DLG2: variants seen among roughly 807,000 people sequenced by gnomAD.
The protein encoded by DLG2 is discs large MAGUK scaffold protein 2.
In DLG2, 45 loss-of-function variants were observed where a neutral mutation model predicts 132.5. The observed-to-expected ratio is 0.34, with a 90% CI of 0.27 to 0.44. The LOEUF (loss-of-function observed/expected upper bound fraction) is 0.44. DLG2 is among the 20% of genes least tolerant of loss of function. The pLI, the probability that DLG2 is intolerant of heterozygous loss-of-function variation, is 1.00. For missense variants in DLG2, 1,045 were observed against 1,196.9 expected, an observed-to-expected ratio of 0.87 and a Z score of 1.87; for synonymous variants, 424 against 419.6, an observed-to-expected ratio of 1.01 and a Z score of -0.13.
chr11:83,918,383 A>T (rs2625519), intron 15 of DLG2, among the ~76,000 whole-genome samples: 1 of 151,844 alleles, frequency 6.6e-6, no homozygotes, highest in Non-Finnish European at 1.5e-5. Context: ...CAAGGCATTC[A>T]CTCACACCTA....
chr11:84,780,345 A>G (rs1170679695), intron 6 of DLG2, among the ~76,000 whole-genome samples: 1 of 152,120 alleles, frequency 6.6e-6, no homozygotes, highest in Non-Finnish European at 1.5e-5. Context: ...CATGATAAAA[A>G]AATTAAAAAA....
chr11:83,983,995 C>T lies in DLG2; in HGVS notation c.920-3353G>A, dbSNP rs1592344911. Among the ~76,000 whole-genome samples the T allele has an allele frequency of 5.3e-5, 8 of 152,098 alleles. No individual in the cohort carries two copies. The South Asian group carries it at 1.2e-3, about 24-fold the overall frequency. On this transcript the variant is annotated intron_variant, in intron 11 of 27. Coordinates refer to ENST00000376104, the MANE Select transcript of DLG2 (RefSeq NM_001142699.3). ...AAACTCTGAAAAGAGAAGGCTAAAA[C>T]AAATTCAGAGACTCCAATTTACATC...
intron 7 of DLG2, among the ~76,000 whole-genome samples, chr11:84,440,566 C>T (rs1193144963): frequency 6.6e-6 from 1 of 152,164 alleles, no homozygotes; most frequent in African/African-American, 2.4e-5. Context: ...AACCATTGCT[C>T]TGCTGATTGA....
Position 84,612,423 on chromosome 11 carries a change from C to T in DLG2, c.358-77692G>A, listed in dbSNP as rs570799839. Among the ~76,000 whole-genome samples, 12 of 152,098 alleles carry T rather than the reference C, an allele frequency of 7.9e-5. No individual in the cohort carries two copies. In the East Asian group the frequency reaches 9.7e-4, roughly 12 times the overall value. ...GTCGTCATTGACTTATGTAGACATA[C>T]GCATTCATTTCTCTTCAGTAAATAC... On this transcript the variant is annotated intron_variant, in intron 6 of 27. Transcript: ENST00000376104.
At chr11:84,779,390 CT>C (rs2071305214) in intron 6 of DLG2, among the ~76,000 whole-genome samples, 1 of 152,044 alleles carries the variant, frequency 6.6e-6, no homozygotes, top group Non-Finnish European at 1.5e-5. Flanking sequence ...ACAAATGCTA[CT>C]TATTTTTATA....
chr11:85,453,777 T>G (rs2092330195), intron 3 of DLG2: 1 of 151,946 alleles, frequency 6.6e-6, no homozygotes, highest in African/African-American at 2.4e-5. Flanking sequence ...ACCCCTCACT[T>G]TTGTCTTTTT....
At chr11:84,619,683 C>A (rs2099610556) in intron 6 of DLG2, among the ~76,000 whole-genome samples, 1 of 151,128 alleles carries the variant, frequency 6.6e-6, no homozygotes, top group Admixed American at 6.6e-5. Flanking sequence ...TCATTATCAA[C>A]AATAACAACA....
chr11:84,156,349 C>T (rs1465042869), intron 9 of DLG2, among the ~76,000 whole-genome samples: 1 of 152,140 alleles, frequency 6.6e-6, no homozygotes, highest in Non-Finnish European at 1.5e-5. Context: ...ATAACCCCAA[C>T]ATGATTTGTA....
rs546448766 is a variant in DLG2 at position 84,899,737 on chromosome 11, A to G, written c.357+211924T>C. On this transcript the variant is annotated intron_variant, in intron 6 of 27. Coordinates refer to ENST00000376104, the MANE Select transcript of DLG2 (RefSeq NM_001142699.3). ...CTTCACCACTCAGAGATACATTTAC[A>G]TAAAGAATTGTCTGTGTGTGCTACA... is the stretch of plus-strand genomic sequence containing the variant. 3.3e-5 allele frequency among the ~76,000 whole-genome samples: 5 copies of G among 152,212 alleles called. No homozygotes were observed. The East Asian group carries it at 9.7e-4, about 29-fold the overall frequency.
rs1038414274 is a variant in DLG2, at chr11:85,495,101, C to T, written c.40+103556G>A. Among the ~76,000 whole-genome samples, 3 of 151,984 alleles carry T rather than the reference C, an allele frequency of 2.0e-5. No individual in the cohort carries two copies. In the South Asian group the frequency reaches 6.2e-4, roughly 32 times the overall value. Reference sequence around the variant, plus strand: ...ATGAACATATAAAGAGATTATTAACCTCACTAATAACTAAAATAATAGAAA... The same window carrying T: ...ATGAACATATAAAGAGATTATTAACTTCACTAATAACTAAAATAATAGAAA... On this transcript the variant is annotated intron_variant, in intron 3 of 27. Coordinates refer to ENST00000376104, the MANE Select transcript of DLG2 (RefSeq NM_001142699.3).
intron 7 of DLG2, among the ~76,000 whole-genome samples, chr11:84,251,960 A>G (rs1425833904): frequency 6.6e-6 from 1 of 151,758 alleles, no homozygotes; most frequent in Non-Finnish European, 1.5e-5. Flanking sequence ...TTATGAAATG[A>G]CTTTGCTAAA....
At chr11:85,062,221 A>G (rs1224978435) in intron 6 of DLG2, among the ~76,000 whole-genome samples, 1 of 151,872 alleles carries the variant, frequency 6.6e-6, no homozygotes, top group African/African-American at 2.4e-5. Context: ...TTATGCTATG[A>G]AGAAAAGTAC....
At chr11:84,154,424 A>G (rs1296009336) in intron 9 of DLG2, among the ~76,000 whole-genome samples, 1 of 152,224 alleles carries the variant, frequency 6.6e-6, no homozygotes, top group Non-Finnish European at 1.5e-5. Context: ...TTGAGCTGCC[A>G]ATACTCACAC....
At chr11:83,943,086 A>G (rs1429059143) in intron 14 of DLG2, among the ~76,000 whole-genome samples, 1 of 152,166 alleles carries the variant, frequency 6.6e-6, no homozygotes, top group East Asian at 1.9e-4. Context: ...GCCTTCTGCC[A>G]TGATTGTGAG....
chr11:83,521,388 T>G (rs2095476474), intron 21 of DLG2, among the ~76,000 whole-genome samples: 1 of 152,240 alleles, frequency 6.6e-6, no homozygotes, highest in Non-Finnish European at 1.5e-5. Flanking sequence ...AAAAGTTTAC[T>G]TTAGTGACAA....
intron 21 of DLG2, among the ~76,000 whole-genome samples, chr11:83,488,012 ACT>A (rs1244689595): frequency 3.3e-5 from 5 of 151,830 alleles, no homozygotes; most frequent in Non-Finnish European, 5.9e-5. Flanking sequence ...TGGTGGCATA[ACT>A]CTATGAATAT....
chr11:84,231,139 A>C (rs911492673), intron 8 of DLG2, among the ~76,000 whole-genome samples: 1 of 152,174 alleles, frequency 6.6e-6, no homozygotes, highest in African/African-American at 2.4e-5. Flanking sequence ...AAAGGTGAAG[A>C]GCACAACCTT....
At chr11:85,425,390 A>C (rs193266885) in intron 3 of DLG2, among the ~76,000 whole-genome samples, 3 of 152,284 alleles carry the variant, frequency 2.0e-5, no homozygotes, top group Non-Finnish European at 2.9e-5. Context: ...AAAAATAACA[A>C]GGATATAAAT....
intron 14 of DLG2, among the ~76,000 whole-genome samples, chr11:83,942,765 A>G (rs790371): frequency 0.99 from 150,805 of 152,366 alleles, 74,635 homozygotes; most frequent in East Asian, 1. Flanking sequence ...TTTGTACCCC[A>G]TAAGGGGATA....
Sources: allele counts gnomAD v4.1 joint callset (sites outside exome capture counted in the v4.1 genomes callset), GRCh38; gene constraint gnomAD v4.1.1; transcripts MANE v1.5; gene names NCBI Gene and HGNC (gene_info 2026-07-23, HGNC 2026-07-21).